CHRNA7: variants seen among roughly 807,000 people sequenced by gnomAD.
CHRNA7 encodes the protein cholinergic receptor nicotinic alpha 7 subunit, also known as neuronal acetylcholine receptor subunit alpha-7.
A neutral mutation model predicts 48.0 loss-of-function variants in CHRNA7; 17 were observed. The observed-to-expected ratio is 0.35, with a 90% CI of 0.24 to 0.53. CHRNA7 has a LOEUF of 0.53. Among genes scored for constraint, CHRNA7 ranks in the 20% least tolerant of loss-of-function variants. The pLI is 0.92. For missense variants in CHRNA7, 155 were observed against 577.7 expected (o/e 0.27, Z 7.50); for synonymous variants, 75 against 242.3 (o/e 0.31, Z 6.41).
chr15:32,095,923 C>T (rs911208162), intron 2 of CHRNA7, among the ~76,000 whole-genome samples: 3 of 152,218 alleles, frequency 2.0e-5, no homozygotes, highest in African/African-American at 4.8e-5. Context: ...TGAAATCCAA[C>T]CCCCTAACCT....
intron 2 of CHRNA7, among the ~76,000 whole-genome samples, chr15:32,067,161 T>C (rs985322815): frequency 3.3e-5 from 5 of 152,148 alleles, no homozygotes; most frequent in Non-Finnish European, 7.4e-5. Flanking sequence ...AAAACATTGA[T>C]GTACACATCC....
At chr15:32,050,550 A>C (rs71605948) in intron 2 of CHRNA7, among the ~76,000 whole-genome samples, 1 of 152,044 alleles carries the variant, frequency 6.6e-6, no homozygotes. Context: ...CATTCGTCTA[A>C]ATTTTTTTCA....
chr15:32,152,803 A>G (rs187638379), intron 4 of CHRNA7, among the ~76,000 whole-genome samples: 184 of 152,292 alleles, frequency 1.2e-3, no homozygotes, highest in African/African-American at 4.2e-3. Context: ...TATCTCTCCA[A>G]GGGGCCTCCA....
At chr15:32,115,063 C>CTGGG (rs1209069801) in intron 4 of CHRNA7, among the ~76,000 whole-genome samples, 1 of 152,238 alleles carries the variant, frequency 6.6e-6, no homozygotes, top group Non-Finnish European at 1.5e-5. Flanking sequence ...GGAGAGGCTG[C>CTGGG]TGGGACTCTT....
At chr15:32,062,047 G>A (rs923224745) in intron 2 of CHRNA7, among the ~76,000 whole-genome samples, 1 of 152,124 alleles carries the variant, frequency 6.6e-6, no homozygotes, top group African/African-American at 2.4e-5. Context: ...ATTCTGTGAG[G>A]ATTATTGTTC....
At chr15:32,096,602 T>TA (rs2141253025) in intron 2 of CHRNA7, among the ~76,000 whole-genome samples, 2 of 152,186 alleles carry the variant, frequency 1.3e-5, no homozygotes, top group South Asian at 4.1e-4. Flanking sequence ...GGTCTATTGT[T>TA]ATGTTTTTGC....
chr15:32,106,532 G>A (rs1159502893), intron 3 of CHRNA7, among the ~76,000 whole-genome samples: 1 of 152,172 alleles, frequency 6.6e-6, no homozygotes, highest in Non-Finnish European at 1.5e-5. Context: ...CGAGGAGGAA[G>A]CAGCTGGTTC....
chr15:32,034,764 G>C (rs1167812082), intron 2 of CHRNA7, among the ~76,000 whole-genome samples: 1 of 152,158 alleles, frequency 6.6e-6, no homozygotes, highest in Non-Finnish European at 1.5e-5. Context: ...ACATTTTAGA[G>C]GTACAACATG....
intron 4 of CHRNA7, among the ~76,000 whole-genome samples, chr15:32,114,044 G>GTATATATATATATATATATATGTA (rs1321921481): frequency 4.4e-4 from 28 of 63,604 alleles, no homozygotes; most frequent in African/African-American, 1.5e-3. Context: ...ATATATATAT[G>GTATATATATATATATATATATGTA]TATATATATA....
upstream of CHRNA7, chr15:32,030,503 G>T: frequency 7.9e-7 from 1 of 1,269,238 alleles, no homozygotes; most frequent in South Asian, 2.2e-5. Context: ...CGCGCGAGCC[G>T]AGCGGCGAGG....
intron 2 of CHRNA7, among the ~76,000 whole-genome samples, chr15:32,061,013 C>T (rs967832125): frequency 6.6e-6 from 1 of 152,222 alleles, no homozygotes; most frequent in Non-Finnish European, 1.5e-5. Flanking sequence ...GGATTCATCA[C>T]AAGAGCAAGA....
chr15:32,083,116 C>A (rs1186056640), intron 2 of CHRNA7, among the ~76,000 whole-genome samples: 1 of 152,130 alleles, frequency 6.6e-6, no homozygotes, highest in Admixed American at 6.5e-5. Flanking sequence ...AATGTGTCCC[C>A]CAAAGTTCAT....
intron 2 of CHRNA7, among the ~76,000 whole-genome samples, chr15:32,086,107 C>T (rs187572992): frequency 2.0e-5 from 3 of 152,048 alleles, no homozygotes; most frequent in Non-Finnish European, 2.9e-5. Context: ...CGGTGGCTCA[C>T]GCCTGTAATC....
At chr15:32,166,637 T>C (rs1308234415) in intron 9 of CHRNA7, 4 of 150,782 alleles carry the variant, frequency 2.7e-5, no homozygotes, top group African/African-American at 7.4e-5. Flanking sequence ...AGGTTACTGA[T>C]GGAATTTCCC....
At chr15:32,046,589 G>C (rs1197524727) in intron 2 of CHRNA7, among the ~76,000 whole-genome samples, 1 of 151,956 alleles carries the variant, frequency 6.6e-6, no homozygotes, top group African/African-American at 2.4e-5. Flanking sequence ...AGATGAGTAG[G>C]TCGCGAAAAG....
At chr15:32,114,061 C>CATATATATATATATATACACATAT (rs35944403) in intron 4 of CHRNA7, among the ~76,000 whole-genome samples, 2 of 120,196 alleles carry the variant, frequency 1.7e-5, no homozygotes, top group South Asian at 2.6e-4. Flanking sequence ...TATATATATA[C>CATATATATATATATATACACATAT]ATATATATAT....
intron 2 of CHRNA7, among the ~76,000 whole-genome samples, chr15:32,045,199 T>C (rs1181958707): frequency 1.3e-5 from 2 of 152,230 alleles, no homozygotes; most frequent in Non-Finnish European, 2.9e-5. Flanking sequence ...TAAGACACTT[T>C]GTGCCTCTGT....
At chr15:32,166,711 T>TA (rs2141424871) in intron 9 of CHRNA7, 1 of 146,382 alleles carries the variant, frequency 6.8e-6, no homozygotes, top group South Asian at 2.2e-4. Context: ...AAAGGCCCAC[T>TA]TTTCATACAC....
At chr15:32,042,822 C>A (rs927943152) in intron 2 of CHRNA7, among the ~76,000 whole-genome samples, 6 of 152,168 alleles carry the variant, frequency 3.9e-5, no homozygotes, top group African/African-American at 7.2e-5. Context: ...AAAGTTCATT[C>A]TGAGCTTCTT....
Sources: gnomAD v4.1 joint callset for allele counts (sites outside exome capture counted in the v4.1 genomes callset) on GRCh38, gnomAD v4.1.1 for gene constraint, MANE v1.5 for transcripts, NCBI Gene and HGNC (gene_info 2026-07-23, HGNC 2026-07-21) for gene names.